KLHL29: variants seen among roughly 807,000 people sequenced by gnomAD.
KLHL29 encodes kelch like family member 29.
KLHL29 carries 21 observed loss-of-function variants against 80.4 expected under a neutral mutation model. The observed-to-expected ratio is 0.26, with a 90% CI of 0.19 to 0.38. The LOEUF (loss-of-function observed/expected upper bound fraction) is 0.38. KLHL29 is among the 10% of genes least tolerant of loss of function. The pLI is 1.00. For missense variants in KLHL29, 867 were observed against 1,223.9 expected (o/e 0.71, Z 4.35); for synonymous variants, 511 against 526.8 (o/e 0.97, Z 0.41).
chr2:23,624,576 G>C (rs1669265110), intron 3 of KLHL29, among the ~76,000 whole-genome samples: 1 of 152,168 alleles, frequency 6.6e-6, no homozygotes, highest in African/African-American at 2.4e-5. Context: ...GTGATGCTTT[G>C]GTCTCACAGC....
intron 1 of KLHL29, among the ~76,000 whole-genome samples, chr2:23,392,767 G>A (rs534548529): frequency 2.0e-4 from 31 of 152,210 alleles, no homozygotes; most frequent in Middle Eastern, 3.4e-3. Flanking sequence ...GTGCACATGC[G>A]CCTATGTCTT....
chr2:23,686,339 G>A lies in KLHL29; in HGVS notation c.1079+1802G>A, dbSNP rs74351463. The stretch of plus-strand genomic sequence containing the variant: ...TCAGAAAGGATGGGGCTGGAGGAGA[G>A]AGGACATCCCCACCTTGGCAGGTAG... On this transcript the variant is annotated intron_variant, in intron 6 of 13. Transcript: ENST00000486442. 5.9e-3 allele frequency among the ~76,000 whole-genome samples: 901 copies of A among 152,196 alleles called. 6 individuals are homozygous for A. Among genetic ancestry groups the A allele is most frequent in the Non-Finnish European group, 7.5e-3 (508 of 68,004 alleles).
intron 1 of KLHL29, among the ~76,000 whole-genome samples, chr2:23,438,343 C>A (rs1163275152): frequency 6.7e-6 from 1 of 150,222 alleles, no homozygotes; most frequent in Non-Finnish European, 1.5e-5. Context: ...ACTTCCAACA[C>A]CATGTTGAAT....
chr2:23,444,525 G>A (rs1210564505), intron 1 of KLHL29, among the ~76,000 whole-genome samples: 7 of 151,934 alleles, frequency 4.6e-5, no homozygotes, highest in Non-Finnish European at 8.8e-5. Flanking sequence ...GGGGTTTCAC[G>A]ATGTTGACCA....
chr2:23,665,566 G>C (rs1670530919), intron 5 of KLHL29, among the ~76,000 whole-genome samples: 1 of 152,180 alleles, frequency 6.6e-6, no homozygotes, highest in African/African-American at 2.4e-5. Flanking sequence ...CCTAAGGCTG[G>C]GTAATTTATA....
At chr2:23,642,009 C>T (rs1181134710) in intron 4 of KLHL29, among the ~76,000 whole-genome samples, 1 of 152,122 alleles carries the variant, frequency 6.6e-6, no homozygotes, top group Non-Finnish European at 1.5e-5. Context: ...AGAACTTGCT[C>T]CTGAGGCTCT....
chr2:23,555,654 G>GAGCAGGTGAGTC (rs1216395762), intron 2 of KLHL29, among the ~76,000 whole-genome samples: 7 of 152,244 alleles, frequency 4.6e-5, no homozygotes, highest in Admixed American at 1.3e-4. Context: ...ACTTTTTGGT[G>GAGCAGGTGAGTC]AGCAGGTGAG....
intron 3 of KLHL29, among the ~76,000 whole-genome samples, chr2:23,606,047 G>A (rs761417244): frequency 1.3e-4 from 20 of 152,152 alleles, no homozygotes; most frequent in Non-Finnish European, 2.4e-4. Context: ...GGGATTACAG[G>A]TGTGAGCCAT....
At chr2:23,540,816 C>G (rs895014811) in intron 2 of KLHL29, among the ~76,000 whole-genome samples, 1 of 152,240 alleles carries the variant, frequency 6.6e-6, no homozygotes, top group Non-Finnish European at 1.5e-5. Flanking sequence ...CTCCCCATGA[C>G]CAGAGAGGAC....
chr2:23,699,224 C>A (rs1356672767), intron 11 of KLHL29, among the ~76,000 whole-genome samples: 4 of 152,192 alleles, frequency 2.6e-5, no homozygotes, highest in Non-Finnish European at 4.4e-5. Context: ...TGAGTTATGA[C>A]TGGTGTCCCA....
At chr2:23,434,745 G>A (rs1437119066) in intron 1 of KLHL29, among the ~76,000 whole-genome samples, 1 of 152,238 alleles carries the variant, frequency 6.6e-6, no homozygotes, top group African/African-American at 2.4e-5. Flanking sequence ...CCATAATGGG[G>A]CGAGGCTGGC....
At chr2:23,456,894 C>G (rs181036388) in intron 1 of KLHL29, among the ~76,000 whole-genome samples, 1 of 152,140 alleles carries the variant, frequency 6.6e-6, no homozygotes, top group Non-Finnish European at 1.5e-5. Context: ...AGTGTGCTGA[C>G]GGGGACTTGC....
intron 3 of KLHL29, among the ~76,000 whole-genome samples, chr2:23,615,079 C>A (rs752107177): frequency 2.1e-4 from 32 of 152,344 alleles, no homozygotes; most frequent in Non-Finnish European, 4.0e-4. Flanking sequence ...CTCGGCGCTT[C>A]TTCCACGTCC....
At chr2:23,446,298 C>G (rs1234959365) in intron 1 of KLHL29, among the ~76,000 whole-genome samples, 1 of 151,312 alleles carries the variant, frequency 6.6e-6, no homozygotes, top group African/African-American at 2.4e-5. Flanking sequence ...TGAGATGCTA[C>G]CTTTATCATA....
At chr2:23,506,721 G>A (rs1031491074) in intron 2 of KLHL29, among the ~76,000 whole-genome samples, 14 of 152,134 alleles carry the variant, frequency 9.2e-5, no homozygotes, top group South Asian at 2.1e-4. Context: ...AGCAGCCATC[G>A]CCTCTCTTCC....
At chr2:23,405,452 A>G (rs1268934109) in intron 1 of KLHL29, among the ~76,000 whole-genome samples, 1 of 152,222 alleles carries the variant, frequency 6.6e-6, no homozygotes, top group African/African-American at 2.4e-5. Context: ...AATAGAGGGC[A>G]GTTGAATACG....
intron 3 of KLHL29, among the ~76,000 whole-genome samples, chr2:23,563,406 T>G (rs1335176613): frequency 6.6e-6 from 1 of 152,216 alleles, no homozygotes. Context: ...AGGCTGCCTT[T>G]GCCTCTGCTG....
At chr2:23,583,868 C>T (rs1668047174) in intron 3 of KLHL29, among the ~76,000 whole-genome samples, 1 of 152,192 alleles carries the variant, frequency 6.6e-6, no homozygotes, top group Admixed American at 6.5e-5. Context: ...GAAGAAAATT[C>T]TCTTTGCTGC....
intron 3 of KLHL29, among the ~76,000 whole-genome samples, chr2:23,621,431 C>A (rs990981230): frequency 6.6e-6 from 1 of 151,970 alleles, no homozygotes; most frequent in East Asian, 1.9e-4. Context: ...GCTGAAACAG[C>A]AGTAACTGCA....
Sources: gnomAD v4.1 joint callset for allele counts (sites outside exome capture counted in the v4.1 genomes callset) on GRCh38, gnomAD v4.1.1 for gene constraint, MANE v1.5 for transcripts, NCBI Gene and HGNC (gene_info 2026-07-23, HGNC 2026-07-21) for gene names.